MAP1B: variants seen among roughly 807,000 people sequenced by gnomAD.
MAP1B encodes microtubule associated protein 1B.
In MAP1B, 12 loss-of-function variants were observed where a neutral mutation model predicts 176.1. The observed-to-expected ratio is 0.07, with a 90% CI of 0.04 to 0.11. The LOEUF (loss-of-function observed/expected upper bound fraction) is 0.11. Among genes scored for constraint, MAP1B ranks in the 10% least tolerant of loss-of-function variants. The pLI is 1.00. For synonymous variants in MAP1B, 1,044 were observed against 1,135.0 expected, an observed-to-expected ratio of 0.92 and a Z score of 1.61; for missense variants, 2,523 against 2,990.5, an observed-to-expected ratio of 0.84 and a Z score of 3.65.
chr5:72,193,058 T>A (rs1178904334), intron 4 of MAP1B, among the ~76,000 whole-genome samples: 1 of 152,208 alleles, frequency 6.6e-6, no homozygotes, highest in African/African-American at 2.4e-5. Flanking sequence ...GAGTTAAACA[T>A]GAGCAAATGG....
intron 1 of MAP1B, among the ~76,000 whole-genome samples, chr5:72,108,601 G>A (rs113817641): frequency 0.028 from 4,224 of 152,244 alleles, 225 homozygotes; most frequent in African/African-American, 0.096. Flanking sequence ...AGGGTCCGGC[G>A]GGCACAGCCT....
chr5:72,170,770 A>T (rs1372528161), intron 2 of MAP1B, among the ~76,000 whole-genome samples: 1 of 151,920 alleles, frequency 6.6e-6, no homozygotes, highest in Non-Finnish European at 1.5e-5. Flanking sequence ...GACCAGTGAA[A>T]CCCTGTTTCT....
chr5:72,108,452 C>G (rs1037066454), intron 1 of MAP1B, among the ~76,000 whole-genome samples: 1 of 152,238 alleles, frequency 6.6e-6, no homozygotes, highest in African/African-American at 2.4e-5. Context: ...GAAGTCCCAG[C>G]CTCGGGAGTG....
At chr5:72,160,109 T>C (rs1746300108) in intron 2 of MAP1B, among the ~76,000 whole-genome samples, 1 of 152,146 alleles carries the variant, frequency 6.6e-6, no homozygotes, top group Admixed American at 6.5e-5. Flanking sequence ...TTTTTTGTAT[T>C]TCCATTTTCA....
rs891480365 is a variant in MAP1B, at chr5:72,196,315, G to C, written c.2960G>C (p.Arg987Thr). 6.8e-6 allele frequency: 11 copies of C among 1,614,122 alleles called. No individual in the cohort carries two copies. Among genetic ancestry groups the C allele is most frequent in the Non-Finnish European group, 8.5e-6 (10 of 1,180,016 alleles). Reference sequence around the variant, plus strand: ...AAGGCGGAGGCTGATGCATACATCAGGGAGAAGAGGGAGTCTGTGGCCAGT... The same window carrying C: ...AAGGCGGAGGCTGATGCATACATCACGGAGAAGAGGGAGTCTGTGGCCAGT... ...SAKAEADAYI[R>T]EKRESVASGD... The change falls in exon 5 of 7, where the codon AGG becomes ACG. Residue 987 changes from arginine (R) to threonine (T), a missense_variant. Transcript: ENST00000296755. This position sits in a 1 kb window ranked among gnomAD's most constrained non-coding sequence, Gnocchi z 5.3.
intron 1 of MAP1B, among the ~76,000 whole-genome samples, chr5:72,114,165 GT>G (rs1745393900): frequency 6.6e-6 from 1 of 151,992 alleles, no homozygotes; most frequent in African/African-American, 2.4e-5. Flanking sequence ...AAGGTCTGTG[GT>G]GTGTAATCTA....
intron 2 of MAP1B, among the ~76,000 whole-genome samples, chr5:72,168,417 G>A (rs115858373): frequency 0.018 from 2,725 of 152,222 alleles, 86 homozygotes; most frequent in African/African-American, 0.062. Flanking sequence ...TTTTATTTAC[G>A]AAAGAGCAAA....
intron 2 of MAP1B, among the ~76,000 whole-genome samples, chr5:72,174,354 A>G (rs1280437094): frequency 6.6e-6 from 1 of 152,242 alleles, no homozygotes; most frequent in Non-Finnish European, 1.5e-5. Flanking sequence ...TCACAAATGA[A>G]GGGTAGTGTT....
chr5:72,163,227 CAAAAA>C (rs10608907), intron 2 of MAP1B, among the ~76,000 whole-genome samples: 1 of 78,148 alleles, frequency 1.3e-5, no homozygotes, highest in Non-Finnish European at 2.4e-5. Flanking sequence ...GACTCCATCT[CAAAAA>C]AAAAAAAAAA....
chr5:72,145,850 T>G (rs1309336153), intron 2 of MAP1B, among the ~76,000 whole-genome samples: 7 of 152,210 alleles, frequency 4.6e-5, no homozygotes, highest in African/African-American at 1.4e-4. Context: ...TTATCATGCA[T>G]GAAGCATGAC....
intron 2 of MAP1B, chr5:72,179,731 T>G (rs535335034): frequency 1.0e-6 from 1 of 985,376 alleles, no homozygotes; most frequent in East Asian, 1.1e-4. Flanking sequence ...TCCCTTTAAA[T>G]CCCCTCCTTC....
intron 2 of MAP1B, among the ~76,000 whole-genome samples, chr5:72,149,048 G>C (rs1746095053): frequency 6.6e-6 from 1 of 152,198 alleles, no homozygotes; most frequent in African/African-American, 2.4e-5. Flanking sequence ...CTCCATGAGA[G>C]TAGAGACCAT....
chr5:72,125,864 G>C (rs191458975), intron 2 of MAP1B, among the ~76,000 whole-genome samples: 5 of 148,120 alleles, frequency 3.4e-5, no homozygotes, highest in Admixed American at 2.0e-4. Context: ...ATGATGAAGA[G>C]TTAGAATCGA....
chr5:72,111,573 T>C (rs1308823776), intron 1 of MAP1B, among the ~76,000 whole-genome samples: 2 of 152,184 alleles, frequency 1.3e-5, no homozygotes, highest in Non-Finnish European at 2.9e-5. Context: ...ACCAATACCA[T>C]ATGTGGTGAG....
intron 2 of MAP1B, among the ~76,000 whole-genome samples, chr5:72,180,264 A>G (rs1044179075): frequency 6.6e-6 from 1 of 152,242 alleles, no homozygotes; most frequent in Non-Finnish European, 1.5e-5. Context: ...GATGACAGTC[A>G]TACCCGGACA....
intron 2 of MAP1B, among the ~76,000 whole-genome samples, chr5:72,149,337 T>C (rs982147032): frequency 2.0e-5 from 3 of 152,266 alleles, no homozygotes; most frequent in Non-Finnish European, 4.4e-5. Flanking sequence ...AACTAAATGA[T>C]TTATTCCCTT....
intron 2 of MAP1B, among the ~76,000 whole-genome samples, chr5:72,117,136 T>TTTTTTTTTTTTTGAG (rs1372036714): frequency 6.6e-6 from 1 of 151,706 alleles, no homozygotes; most frequent in African/African-American, 2.4e-5. Flanking sequence ...AATCAGTTTT[T>TTTTTTTTTTTTTGAG]AAGTAACTTT....
intron 2 of MAP1B, among the ~76,000 whole-genome samples, chr5:72,130,571 C>T (rs1288000748): frequency 1.3e-5 from 2 of 152,166 alleles, no homozygotes; most frequent in Middle Eastern, 3.2e-3. Flanking sequence ...TTCCTTTAAA[C>T]ATTAAGATGT....
At chr5:72,149,038 C>T (rs1486124784) in intron 2 of MAP1B, among the ~76,000 whole-genome samples, 1 of 152,212 alleles carries the variant, frequency 6.6e-6, no homozygotes, top group East Asian at 1.9e-4. Context: ...CTACCTCACC[C>T]TCCATGAGAG....
Sources: allele counts gnomAD v4.1 joint callset (sites outside exome capture counted in the v4.1 genomes callset), GRCh38; gene constraint gnomAD v4.1.1; non-coding constraint Gnocchi (gnomAD v3.1); transcripts MANE v1.5; gene names NCBI Gene and HGNC (gene_info 2026-07-23, HGNC 2026-07-21).